Variants in TENM2 observed in about 807,000 individuals in gnomAD.
TENM2 encodes the protein teneurin-2.
In TENM2, 52 loss-of-function variants were observed where a neutral mutation model predicts 245.2. That is an observed-to-expected ratio of 0.21 (90% confidence interval 0.17 to 0.27). TENM2 has a LOEUF of 0.27. TENM2 is among the 10% of genes least tolerant of loss of function. The pLI, the probability that TENM2 is intolerant of heterozygous loss-of-function variation, is 1.00. For synonymous variants in TENM2, 1,363 were observed against 1,438.9 expected, an observed-to-expected ratio of 0.95 and a Z score of 1.19; for missense variants, 3,046 against 3,666.8, an observed-to-expected ratio of 0.83 and a Z score of 4.37.
intron 2 of TENM2, among the ~76,000 whole-genome samples, chr5:167,845,555 G>A (rs1038204954): frequency 1.3e-5 from 2 of 152,012 alleles, no homozygotes; most frequent in Non-Finnish European, 2.9e-5. Context: ...TCCAGTGTTG[G>A]GCAGGTCACA....
chr5:167,861,819 A>G (rs929111960), intron 2 of TENM2, among the ~76,000 whole-genome samples: 1 of 152,248 alleles, frequency 6.6e-6, no homozygotes, highest in African/African-American at 2.4e-5. Context: ...TCAGAAGCAA[A>G]GCAGGCCTTT....
the TENM2 span, among the ~76,000 whole-genome samples, chr5:167,084,800 GATGTA>G: frequency 6.6e-6 from 1 of 152,080 alleles, no homozygotes; most frequent in East Asian, 1.9e-4. Context: ...AGCCCTAACT[GATGTA>G]ATGCATGACA....
At chr5:168,141,575 TC>T (rs2152400976) in intron 12 of TENM2, among the ~76,000 whole-genome samples, 1 of 152,322 alleles carries the variant, frequency 6.6e-6, no homozygotes, top group Non-Finnish European at 1.5e-5. Flanking sequence ...GGGAAGTGTC[TC>T]TTGATCTAAT....
intron 12 of TENM2, among the ~76,000 whole-genome samples, chr5:168,135,276 C>T (rs994617366): frequency 2.6e-5 from 4 of 151,452 alleles, no homozygotes; most frequent in Admixed American, 1.3e-4. Context: ...GGGTTATCTG[C>T]AGCCACACAG....
At chr5:167,475,735 G>C (rs1767329794) in intron 2 of TENM2, among the ~76,000 whole-genome samples, 1 of 152,052 alleles carries the variant, frequency 6.6e-6, no homozygotes, top group Non-Finnish European at 1.5e-5. Flanking sequence ...ACTTATGAGT[G>C]AGAACATGCA....
chr5:167,231,809 A>G, the TENM2 span, among the ~76,000 whole-genome samples: 1 of 151,208 alleles, frequency 6.6e-6, no homozygotes. Context: ...AATGGGGAAA[A>G]TATCTCCAGG....
intron 3 of TENM2, among the ~76,000 whole-genome samples, chr5:167,914,620 G>A (rs1776787365): frequency 6.6e-6 from 1 of 152,172 alleles, no homozygotes; most frequent in Admixed American, 6.5e-5. Context: ...ACCACTGAAT[G>A]GGTGGCTTCA....
the TENM2 span, among the ~76,000 whole-genome samples, chr5:167,197,665 A>G: frequency 6.6e-6 from 1 of 152,092 alleles, no homozygotes; most frequent in African/African-American, 2.4e-5. Flanking sequence ...TTGTGCTGTA[A>G]GAACAGATAA....
At chr5:167,362,583 A>C (rs1293748660) in intron 1 of TENM2, among the ~76,000 whole-genome samples, 1 of 152,220 alleles carries the variant, frequency 6.6e-6, no homozygotes, top group Admixed American at 6.5e-5. Context: ...CATCAAGCAC[A>C]TGATGGAAAT....
At chr5:168,129,546 G>A (rs1048715698) in intron 12 of TENM2, 4 of 152,150 alleles carry the variant, frequency 2.6e-5, no homozygotes, top group Admixed American at 6.5e-5. Context: ...TTATTAGTAG[G>A]ACATGTGCCA....
intron 2 of TENM2, among the ~76,000 whole-genome samples, chr5:167,773,877 A>G (rs1763565181): frequency 6.6e-6 from 1 of 152,116 alleles, no homozygotes; most frequent in Non-Finnish European, 1.5e-5. Flanking sequence ...ACACCATGCA[A>G]AAGGTCATGT....
At chr5:167,659,787 A>G (rs1385672982) in intron 2 of TENM2, among the ~76,000 whole-genome samples, 1 of 152,124 alleles carries the variant, frequency 6.6e-6, no homozygotes, top group Non-Finnish European at 1.5e-5. Flanking sequence ...GACTGGGTAT[A>G]AGGTTCCTCT....
chr5:167,571,746 TGTGCTGAAATAGTTGC>T (rs1475919455), intron 2 of TENM2, among the ~76,000 whole-genome samples: 1 of 152,244 alleles, frequency 6.6e-6, no homozygotes, highest in Non-Finnish European at 1.5e-5. Context: ...CTGTTTTTAT[TGTGCTGAAATAGTTGC>T]GTGCTGAAAT....
At chr5:168,219,399 A>T (rs1394044816) in intron 23 of TENM2, among the ~76,000 whole-genome samples, 2 of 152,204 alleles carry the variant, frequency 1.3e-5, no homozygotes, top group Non-Finnish European at 2.9e-5. Context: ...CCAGCAACAC[A>T]CTTGATTGCA....
the TENM2 span, among the ~76,000 whole-genome samples, chr5:167,109,243 TAAG>T: frequency 3.3e-5 from 5 of 151,580 alleles, 1 homozygote; most frequent in Admixed American, 6.6e-5. Context: ...TTTTTTTTTT[TAAG>T]TAAAGAGGAC....
chr5:167,184,233 T>G, the TENM2 span, among the ~76,000 whole-genome samples: 163 of 152,314 alleles, frequency 1.1e-3, no homozygotes, highest in African/African-American at 3.7e-3. Context: ...GGTGAGGAAT[T>G]AAAGTTTATG....
intron 2 of TENM2, among the ~76,000 whole-genome samples, chr5:167,539,274 T>C (rs1229724442): frequency 6.6e-6 from 1 of 152,238 alleles, no homozygotes; most frequent in Non-Finnish European, 1.5e-5. Flanking sequence ...TTAATATTTA[T>C]GACTTGAATA....
intron 3 of TENM2, among the ~76,000 whole-genome samples, chr5:167,918,026 C>A (rs1343404775): frequency 6.6e-6 from 1 of 152,152 alleles, no homozygotes; most frequent in Non-Finnish European, 1.5e-5. Context: ...ACAATCACTG[C>A]TTACTGACAT....
chr5:167,573,378 T>C (rs545905470), intron 2 of TENM2, among the ~76,000 whole-genome samples: 1 of 152,158 alleles, frequency 6.6e-6, no homozygotes, highest in Non-Finnish European at 1.5e-5. Flanking sequence ...AATGTGTTTC[T>C]AAATGAGAGA....
Sources: gnomAD v4.1 joint callset for allele counts (sites outside exome capture counted in the v4.1 genomes callset) on GRCh38, gnomAD v4.1.1 for gene constraint, MANE v1.5 for transcripts, NCBI Gene and HGNC (gene_info 2026-07-23, HGNC 2026-07-21) for gene names.